DNAH10: variants seen among roughly 807,000 people sequenced by gnomAD.
The protein encoded by DNAH10 is axonemal beta dynein heavy chain 10.
A neutral mutation model predicts 506.6 loss-of-function variants in DNAH10; 348 were observed. The ratio of observed to expected loss-of-function variants is 0.69; its 90% CI spans 0.63 to 0.75. The LOEUF (loss-of-function observed/expected upper bound fraction) is 0.75, where lower values mean the gene tolerates loss of function less well. Among genes scored for constraint, DNAH10 ranks in the 30% least tolerant of loss-of-function variants. The probability of loss-of-function intolerance (pLI) is 0.00; values close to 1 mark genes in which losing one functional copy is unlikely to be tolerated. For missense variants in DNAH10, 5,179 were observed against 5,787.1 expected, an observed-to-expected ratio of 0.89 and a Z score of 3.41; for synonymous variants, 2,059 against 2,198.6, an observed-to-expected ratio of 0.94 and a Z score of 1.78.
Position 123,845,995 on chromosome 12 carries a change from C to A in DNAH10, c.5655C>A (p.Asp1885Glu), listed in dbSNP as rs7969937. The part of the protein sequence containing the change: ...RGSILEAREF[D>E]WESQLRFYWD... Reference sequence around the variant, plus strand: ...GTATCCTGGAGGCCCGAGAGTTTGACTGGGAAAGTCAGTTGCGGTTTTATT... The same window carrying A: ...GTATCCTGGAGGCCCGAGAGTTTGAATGGGAAAGTCAGTTGCGGTTTTATT... The change falls in exon 32 of 79, where the codon GAC (aspartate) becomes GAA (glutamate). Residue 1885 changes from aspartate (D) to glutamate (E), a missense_variant. By Grantham distance (45) the Asp-to-Glu change is conservative. Transcript: ENST00000673944. The A allele has an allele frequency of 0.024, 38,219 of 1,613,812 alleles. 3,536 individuals are homozygous for A. The African/African-American group carries it at 0.29, about 12-fold the overall frequency.
chr12:123,797,371 C>A (rs949393296), intron 13 of DNAH10, among the ~76,000 whole-genome samples: 1 of 143,160 alleles, frequency 7.0e-6, no homozygotes, highest in African/African-American at 2.5e-5. Flanking sequence ...CTGCCTTTTG[C>A]GTTCCTTCTT....
rs903427238 is a variant in DNAH10, at chr12:123,785,693, A to C, written c.1231-53A>C. 15 of 1,410,202 alleles carry C rather than the reference A, an allele frequency of 1.1e-5. No homozygotes were observed. In the East Asian group the frequency reaches 3.6e-4, roughly 34 times the overall value. 87.4% of individuals were successfully genotyped at this position (1,410,202 alleles called of 1,614,324 possible). A position where few individuals can be genotyped will look rare whatever the true frequency, so the allele number is the denominator to read the frequency against. On this transcript the variant is annotated intron_variant, in intron 8 of 78. Coordinates refer to ENST00000673944, the MANE Select transcript of DNAH10 (RefSeq NM_001372106.1). The surrounding 1 kb of genome is among the most constrained non-coding windows in gnomAD (Gnocchi z 4.1). Reference sequence around the variant, plus strand: ...TGCATGCTTACTGTTTTATGAAACTATTTGGACCCCAAGGCTAAGGGCTCT... The same window carrying C: ...TGCATGCTTACTGTTTTATGAAACTCTTTGGACCCCAAGGCTAAGGGCTCT...
chr12:123,797,806 T>A (rs1958336659), intron 13 of DNAH10, among the ~76,000 whole-genome samples: 1 of 152,254 alleles, frequency 6.6e-6, no homozygotes. Context: ...GCCTACCATC[T>A]TTTCGATATG....
chr12:123,772,899 G>A lies in DNAH10; in HGVS notation c.462G>A (p.Glu154=), dbSNP rs759669802. 3 of 1,613,296 alleles carry A rather than the reference G, an allele frequency of 1.9e-6. No individual in the cohort carries two copies. In the South Asian group the frequency reaches 3.3e-5, roughly 18 times the overall value. ...LHMLCTPLPE[E]FLDQNVVFFL... ...TGCTCTGTACCCCTCTTCCCGAGGA[G>A]TTCCTGGACCAAAACGTGGTGTTTT... The change falls in exon 4 of 79, where the codon GAG becomes GAA. Residue 154 remains glutamate, a synonymous_variant. Transcript: ENST00000673944.
intron 32 of DNAH10, among the ~76,000 whole-genome samples, chr12:123,847,314 A>G (rs1180781334): frequency 7.6e-6 from 1 of 130,900 alleles, no homozygotes; most frequent in East Asian, 2.0e-4. Flanking sequence ...TATTTTATCT[A>G]TCTATCTATC....
chr12:123,893,467 C>A (rs554532652), intron 53 of DNAH10, 31 bp downstream of exon 53: 1 of 1,610,884 alleles, frequency 6.2e-7, no homozygotes, highest in East Asian at 2.2e-5. Flanking sequence ...GAACCCATTT[C>A]CCCTGCTTTG....
At chr12:123,834,876 T>C (rs914449571) in intron 27 of DNAH10, among the ~76,000 whole-genome samples, 3 of 152,254 alleles carry the variant, frequency 2.0e-5, no homozygotes, top group African/African-American at 4.8e-5. Context: ...TATGGCCCAA[T>C]AATATTAAAT....
At chr12:123,879,853 C>T in intron 50 of DNAH10, 52 bp downstream of exon 50, 1 of 1,588,492 alleles carries the variant, frequency 6.3e-7, no homozygotes, top group Non-Finnish European at 8.6e-7. Context: ...TGAGCATGGG[C>T]CAAGCGGGAG....
intron 13 of DNAH10, among the ~76,000 whole-genome samples, chr12:123,797,151 G>A (rs1379863613): frequency 6.6e-6 from 1 of 152,148 alleles, no homozygotes; most frequent in South Asian, 2.1e-4. Context: ...GATTACAGGC[G>A]TAAGCCATAG....
intron 5 of DNAH10, among the ~76,000 whole-genome samples, chr12:123,778,745 A>G (rs1054237530): frequency 6.6e-6 from 1 of 152,088 alleles, no homozygotes; most frequent in Non-Finnish European, 1.5e-5. Flanking sequence ...AGTTAAAAAC[A>G]TTTTTTTAAG....
chr12:123,893,442 C>G lies in DNAH10; in HGVS notation c.9199+6C>G. 6.2e-7 allele frequency: 1 copy of G among 1,612,110 alleles called. No individual in the cohort carries two copies. On this transcript the variant is annotated splice_donor_region_variant and intron_variant, in intron 53 of 78. Transcript: ENST00000673944. ...CTGGTGCAGAAACTTCCCAGGTACC[C>G]GCGGTGGAGCCTGTGAACCCATTTC...
intron 21 of DNAH10, among the ~76,000 whole-genome samples, chr12:123,815,820 A>G (rs1463977100): frequency 2.0e-5 from 3 of 152,252 alleles, no homozygotes; most frequent in Non-Finnish European, 2.9e-5. Context: ...CATATGGTAG[A>G]ACCTATTGCT....
At position 123,793,702 on chromosome 12, in the gene DNAH10, G is replaced by A. The variant is rs976569607; in HGVS notation, c.1816-240G>A. The stretch of plus-strand genomic sequence containing the variant: ...TTCCTCTGTTGTTGTGTCCTCTCCT[G>A]CATTTTTTGTTTATATGAGTTAATA... On this transcript the variant is annotated intron_variant, in intron 11 of 78. Coordinates refer to ENST00000673944, the MANE Select transcript of DNAH10 (RefSeq NM_001372106.1). Among the ~76,000 whole-genome samples, 6 of 152,056 alleles carry A rather than the reference G, an allele frequency of 3.9e-5. No homozygotes were observed. The South Asian group carries it at 1.2e-3, about 32-fold the overall frequency.
intron 30 of DNAH10, among the ~76,000 whole-genome samples, chr12:123,843,509 T>C (rs562629368): frequency 3.3e-5 from 5 of 152,232 alleles, no homozygotes; most frequent in Non-Finnish European, 7.3e-5. Context: ...AGGTTTTCGC[T>C]GCACCACACA....
In DNAH10 at chr12:123,897,769, G is replaced by C. The variant is rs1953321074; in HGVS notation, c.9281-1G>C. The C allele has an allele frequency of 6.2e-7, 1 of 1,601,284 alleles. No individual in the cohort carries two copies. The highest frequency in any genetic ancestry group is 8.5e-7 in the Non-Finnish European group (1 of 1,176,956). On this transcript the variant is annotated splice_acceptor_variant, in intron 54 of 78. Transcript: ENST00000673944. LOFTEE classifies it high-confidence loss of function. ...AACATTTTTTATTCCTTCCTCTTCA[G>C]GGTATAATCCAATGATCCCGGCAGA... is the stretch of plus-strand genomic sequence containing the variant.
chr12:123,885,071 C>T (rs976520434), intron 51 of DNAH10, among the ~76,000 whole-genome samples: 2 of 152,222 alleles, frequency 1.3e-5, no homozygotes, highest in African/African-American at 2.4e-5. Flanking sequence ...ATATATTCAA[C>T]TTACAATGGG....
intron 10 of DNAH10, among the ~76,000 whole-genome samples, chr12:123,788,858 T>G: frequency 1.6e-5 from 1 of 63,536 alleles, no homozygotes; most frequent in East Asian, 0.012. Flanking sequence ...CCTGGGAGGT[T>G]GAGGCGCAGT....
In DNAH10 at chr12:123,926,861, A is replaced by G; in HGVS notation, c.12105+41A>G. On this transcript the variant is annotated intron_variant, in intron 69 of 78. Transcript: ENST00000673944. This position sits in a 1 kb window ranked among gnomAD's most constrained non-coding sequence, Gnocchi z 4.1. ...AAGGAACAAGCTCTACGTTTAGGGG[A>G]GGTCCCTGGTGTCTGCTAAGAAGGA... is the stretch of plus-strand genomic sequence containing the variant. The G allele has an allele frequency of 6.2e-7, 1 of 1,604,624 alleles. No individual in the cohort carries two copies. Among genetic ancestry groups the G allele is most frequent in the Non-Finnish European group, 8.5e-7 (1 of 1,177,134 alleles).
chr12:123,873,824 A>G (rs998357691), intron 46 of DNAH10, 114 bp downstream of exon 46: 35 of 1,376,972 alleles, frequency 2.5e-5, no homozygotes, highest in Non-Finnish European at 3.4e-5. Context: ...CCTCTGTGCA[A>G]TGTCTGCAGG....
Sources: gnomAD v4.1 joint callset for allele counts (sites outside exome capture counted in the v4.1 genomes callset) on GRCh38, gnomAD v4.1.1 for gene constraint, Gnocchi (gnomAD v3.1) non-coding constraint, MANE v1.5 for transcripts, NCBI Gene and HGNC (gene_info 2026-07-23, HGNC 2026-07-21) for gene names.